The following TMEM132C variants were observed in gnomAD, a reference collection of about 807,000 sequenced individuals.
TMEM132C encodes protein phosphatase 1, regulatory subunit 152.
A neutral mutation model predicts 61.4 loss-of-function variants in TMEM132C; 29 were observed. That is an observed-to-expected ratio of 0.47 (90% confidence interval 0.35 to 0.64). The LOEUF (loss-of-function observed/expected upper bound fraction) is 0.64. Ranked by LOEUF, TMEM132C falls within the 30% of genes least tolerant of loss-of-function variation. The pLI, the probability that TMEM132C is intolerant of heterozygous loss-of-function variation, is 0.00. For synonymous variants in TMEM132C, 656 were observed against 633.1 expected (o/e 1.04, Z -0.54); for missense variants, 1,408 against 1,476.9 (o/e 0.95, Z 0.76).
intron 3 of TMEM132C, among the ~76,000 whole-genome samples, chr12:128,611,551 C>G (rs1038202018): frequency 6.6e-6 from 1 of 152,164 alleles, no homozygotes; most frequent in African/African-American, 2.4e-5. Context: ...ATCCTGGGCA[C>G]TGCAGTTGGA....
chr12:128,622,360 A>AAAAAAAAAATATATATAT (rs1277080166), intron 4 of TMEM132C, among the ~76,000 whole-genome samples: 1 of 30,124 alleles, frequency 3.3e-5, no homozygotes, highest in Non-Finnish European at 5.5e-5. Context: ...AAAAAAAAAA[A>AAAAAAAAAATATATATAT]ATATATATAT....
At chr12:128,271,677 T>A (rs1870527175) in intron 1 of TMEM132C, among the ~76,000 whole-genome samples, 1 of 152,216 alleles carries the variant, frequency 6.6e-6, no homozygotes, top group African/African-American at 2.4e-5. Context: ...CCTCTCTTCC[T>A]CTGCTCACTC....
rs1431092815 is a variant in TMEM132C at position 128,267,170 on chromosome 12, G to A, written c.-233G>A. Reference sequence around the variant, plus strand: ...TGCGGAGGCTGCGGAGGCTGCGGGAGAAAAGTTGTCCCGGCCGGAGCGCGA... The same window carrying A: ...TGCGGAGGCTGCGGAGGCTGCGGGAAAAAAGTTGTCCCGGCCGGAGCGCGA... On this transcript the variant is annotated 5_prime_UTR_variant, in exon 1 of 9. Transcript: ENST00000435159. Among the ~76,000 whole-genome samples the A allele has an allele frequency of 9.3e-4, 137 of 146,998 alleles. 1 individual carries two copies. Among genetic ancestry groups the A allele is most frequent in the Non-Finnish European group, 4.5e-4 (30 of 65,990 alleles).
chr12:128,484,164 A>G (rs538915919), intron 2 of TMEM132C, among the ~76,000 whole-genome samples: 2 of 152,332 alleles, frequency 1.3e-5, no homozygotes, highest in South Asian at 4.1e-4. Flanking sequence ...ACGAGGATGA[A>G]GCTATCACTG....
intron 1 of TMEM132C, among the ~76,000 whole-genome samples, chr12:128,363,778 G>A (rs1412139689): frequency 6.6e-6 from 1 of 150,740 alleles, no homozygotes; most frequent in Non-Finnish European, 1.5e-5. Context: ...CCAGAAGGCG[G>A]AGGGTGCAGT....
At chr12:128,484,256 G>A (rs1490832265) in intron 2 of TMEM132C, among the ~76,000 whole-genome samples, 1 of 152,138 alleles carries the variant, frequency 6.6e-6, no homozygotes, top group African/African-American at 2.4e-5. Flanking sequence ...AGCAGTGACA[G>A]GTTTTATCAG....
chr12:128,694,488 T>A (rs1197679457), intron 6 of TMEM132C, among the ~76,000 whole-genome samples: 2 of 152,204 alleles, frequency 1.3e-5, no homozygotes, highest in Non-Finnish European at 2.9e-5. Context: ...AAGCTTCTAA[T>A]TTTTTTGGGA....
At chr12:128,547,660 A>G (rs1874006350) in intron 3 of TMEM132C, among the ~76,000 whole-genome samples, 1 of 152,082 alleles carries the variant, frequency 6.6e-6, no homozygotes, top group Admixed American at 6.5e-5. Context: ...GTGTTTTCAG[A>G]TCTTGGCCAC....
At position 128,430,518 on chromosome 12, in the gene TMEM132C, C is replaced by G. The variant is rs568615393; in HGVS notation, c.974+14898C>G. Among the ~76,000 whole-genome samples the G allele has an allele frequency of 4.6e-5, 7 of 152,144 alleles. No individual in the cohort carries two copies. The South Asian group carries it at 1.4e-3, about 31-fold the overall frequency. ...CAATCAATCAGAAGCAGCCAACAAA[C>G]TTATAATTATACAGGCATATGTTGT... On this transcript the variant is annotated intron_variant, in intron 2 of 8. Transcript: ENST00000435159.
intron 1 of TMEM132C, among the ~76,000 whole-genome samples, chr12:128,337,099 T>C (rs950413399): frequency 7.9e-5 from 12 of 152,146 alleles, no homozygotes; most frequent in Admixed American, 1.3e-4. Context: ...ACAGAGAAAT[T>C]AGGCTTAAAG....
At chr12:128,490,231 T>A (rs971654682) in intron 2 of TMEM132C, among the ~76,000 whole-genome samples, 2 of 152,170 alleles carry the variant, frequency 1.3e-5, no homozygotes, top group African/African-American at 2.4e-5. Context: ...TTTGCTCTGA[T>A]CCAAGAACCA....
In TMEM132C at chr12:128,267,382, C is replaced by T. The variant is rs1470804681; in HGVS notation, c.-21C>T. On this transcript the variant is annotated 5_prime_UTR_variant, in exon 1 of 9. Transcript: ENST00000435159. ...TGCGCTTCGGGCTGGCGGCGGGCTGCGTGAGCGGCCGGGACGCAGGATGCG... is the reference window on the plus strand; with the variant it reads ...TGCGCTTCGGGCTGGCGGCGGGCTGTGTGAGCGGCCGGGACGCAGGATGCG... The T allele has an allele frequency of 4.5e-6, 5 of 1,113,480 alleles. No homozygotes were observed. In the South Asian group the frequency reaches 1.3e-4, roughly 29 times the overall value. 69.0% of individuals were successfully genotyped at this position (1,113,480 alleles called of 1,614,324 possible). A position where few individuals can be genotyped will look rare whatever the true frequency, so the allele number is the denominator to read the frequency against.
chr12:128,648,626 G>A (rs562182051), intron 4 of TMEM132C, among the ~76,000 whole-genome samples: 1,732 of 151,934 alleles, frequency 0.011, 12 homozygotes, highest in Non-Finnish European at 0.017. Flanking sequence ...CGTTGGATGA[G>A]TGTGTTTACT....
Position 128,326,870 on chromosome 12 carries a change from T to G in TMEM132C, c.85+59383T>G, listed in dbSNP as rs1872538635. ...ATTGTATTTTTAATAAAGCAGAGGC[T>G]TTTGTTGTTGTTGTTAACATTGAAC... On this transcript the variant is annotated intron_variant, in intron 1 of 8. Transcript: ENST00000435159. The surrounding 1 kb of genome is among the most constrained non-coding windows in gnomAD (Gnocchi z 5.6). Among the ~76,000 whole-genome samples the G allele has an allele frequency of 6.8e-6, 1 of 147,124 alleles. No individual in the cohort carries two copies.
chr12:128,463,015 G>A (rs1333635000), intron 2 of TMEM132C, among the ~76,000 whole-genome samples: 1 of 152,212 alleles, frequency 6.6e-6, no homozygotes. Flanking sequence ...TCTGGCTCGT[G>A]GCTGCAGACG....
intron 1 of TMEM132C, among the ~76,000 whole-genome samples, chr12:128,349,918 TACACACAC>T (rs56323654): frequency 2.0e-5 from 3 of 149,578 alleles, no homozygotes; most frequent in East Asian, 2.0e-4. Context: ...ACACGTACCG[TACACACAC>T]ACACACACAC....
intron 4 of TMEM132C, among the ~76,000 whole-genome samples, chr12:128,620,736 C>G (rs1417914134): frequency 6.6e-6 from 1 of 151,816 alleles, no homozygotes; most frequent in Admixed American, 6.6e-5. Flanking sequence ...ATTTTTCATC[C>G]TTTGCAAACT....
chr12:128,535,763 G>A (rs867367118), intron 2 of TMEM132C, among the ~76,000 whole-genome samples: 1 of 152,108 alleles, frequency 6.6e-6, no homozygotes. Flanking sequence ...AGCTACTTGG[G>A]AGGCTGAGGC....
At chr12:128,481,199 C>A (rs574242321) in intron 2 of TMEM132C, among the ~76,000 whole-genome samples, 2 of 152,366 alleles carry the variant, frequency 1.3e-5, no homozygotes, top group East Asian at 3.9e-4. Flanking sequence ...AGGGCAGCGG[C>A]AGGTGACACC....
Sources: gnomAD v4.1 joint callset for allele counts (sites outside exome capture counted in the v4.1 genomes callset) on GRCh38, gnomAD v4.1.1 for gene constraint, Gnocchi (gnomAD v3.1) non-coding constraint, MANE v1.5 for transcripts, NCBI Gene and HGNC (gene_info 2026-07-23, HGNC 2026-07-21) for gene names.